The following RIMS1 variants were observed in gnomAD, a reference collection of about 807,000 sequenced individuals.
RIMS1 encodes regulating synaptic membrane exocytosis protein 1.
A neutral mutation model predicts 214.1 loss-of-function variants in RIMS1; 83 were observed. That is an observed-to-expected ratio of 0.39 (90% CI 0.32 to 0.47). The LOEUF is 0.47. Ranked by LOEUF, RIMS1 falls within the 20% of genes least tolerant of loss-of-function variation. The pLI, the probability that RIMS1 is intolerant of heterozygous loss-of-function variation, is 0.99. For missense variants in RIMS1, 2,050 were observed against 2,161.8 expected, an observed-to-expected ratio of 0.95 and a Z score of 1.03; for synonymous variants, 793 against 786.8, an observed-to-expected ratio of 1.01 and a Z score of -0.13.
intron 27 of RIMS1, among the ~76,000 whole-genome samples, chr6:72,310,627 C>T (rs1003876212): frequency 2.0e-5 from 3 of 152,044 alleles, no homozygotes; most frequent in Admixed American, 1.3e-4. Context: ...AATTATTTCT[C>T]TCACATCAAT....
rs188664565 is a variant in RIMS1 at position 72,305,604 on chromosome 6, A to G, written c.3851-1654A>G. On this transcript the variant is annotated intron_variant, in intron 26 of 33. Coordinates refer to ENST00000521978, the MANE Select transcript of RIMS1 (RefSeq NM_014989.7). ...TATATTGCATATGTCTTTTGTAAAT[A>G]TAACTCACATTTTTCAATAACTGTC... 6.6e-5 allele frequency among the ~76,000 whole-genome samples: 10 copies of G among 152,264 alleles called. 1 individual carries two copies. The highest frequency in any genetic ancestry group is 5.2e-4 in the Admixed American group (8 of 15,274).
chr6:72,386,881 C>T (rs912350867), intron 29 of RIMS1, among the ~76,000 whole-genome samples: 5 of 151,618 alleles, frequency 3.3e-5, no homozygotes, highest in Non-Finnish European at 7.4e-5. Context: ...CTACAGGCGC[C>T]CGCCACCACA....
At chr6:72,348,733 T>C (rs1427371607) in intron 29 of RIMS1, among the ~76,000 whole-genome samples, 1 of 151,866 alleles carries the variant, frequency 6.6e-6, no homozygotes, top group African/African-American at 2.4e-5. Flanking sequence ...CTCCCTTTAC[T>C]GCCCTCTCCC....
intron 2 of RIMS1, among the ~76,000 whole-genome samples, chr6:72,061,181 C>G (rs375707093): frequency 6.6e-6 from 1 of 151,842 alleles, no homozygotes; most frequent in African/African-American, 2.4e-5. Context: ...ATAACTCAGA[C>G]CTACTAAAAT....
At chr6:72,371,472 TTTAA>T (rs2098218464) in intron 29 of RIMS1, among the ~76,000 whole-genome samples, 2 of 152,214 alleles carry the variant, frequency 1.3e-5, no homozygotes, top group African/African-American at 2.4e-5. Flanking sequence ...AAGAGACAAC[TTTAA>T]TTAAGACTTG....
intron 26 of RIMS1, among the ~76,000 whole-genome samples, chr6:72,292,329 A>G (rs1218574240): frequency 6.6e-6 from 1 of 152,174 alleles, no homozygotes; most frequent in Non-Finnish European, 1.5e-5. Context: ...ACAAAGGAAA[A>G]AAATAAAATT....
chr6:71,912,136 T>A (rs1477964601), intron 1 of RIMS1, among the ~76,000 whole-genome samples: 2 of 152,160 alleles, frequency 1.3e-5, no homozygotes, highest in Non-Finnish European at 2.9e-5. Flanking sequence ...AGAAGAAAAC[T>A]GAAGATGAAG....
intron 2 of RIMS1, among the ~76,000 whole-genome samples, chr6:71,984,817 C>A (rs896406079): frequency 7.9e-6 from 1 of 127,220 alleles, no homozygotes; most frequent in Non-Finnish European, 1.7e-5. Flanking sequence ...ATCTATCTAT[C>A]TATTATGTTT....
intron 31 of RIMS1, among the ~76,000 whole-genome samples, chr6:72,393,201 A>G (rs193109892): frequency 2.0e-4 from 31 of 152,272 alleles, no homozygotes; most frequent in African/African-American, 7.0e-4. Context: ...TTAGTATTTT[A>G]GACTCAACTA....
At position 72,402,526 on chromosome 6, in the gene RIMS1, AC is replaced by A. The variant is rs1393187119; in HGVS notation, c.*1814del. ...TTTAATTCATAGACATACTGCCTGCACCAAGTGAATTATTTATTATTATTTA... is the reference window on the plus strand; with the variant it reads ...TTTAATTCATAGACATACTGCCTGCACAAGTGAATTATTTATTATTATTTA... On this transcript the variant is annotated 3_prime_UTR_variant, in exon 34 of 34. Coordinates refer to ENST00000521978, the MANE Select transcript of RIMS1 (RefSeq NM_014989.7). 1 of 152,648 alleles carries A rather than the reference AC, an allele frequency of 6.6e-6. No individual in the cohort carries two copies. The highest frequency in any genetic ancestry group is 1.5e-5 in the Non-Finnish European group (1 of 68,048). The allele number at this position is 152,648 out of a possible 1,614,324, so 9.5% of individuals were successfully genotyped here.
chr6:71,915,724 T>C (rs146454213), intron 1 of RIMS1, among the ~76,000 whole-genome samples: 1 of 152,248 alleles, frequency 6.6e-6, no homozygotes, highest in East Asian at 1.9e-4. Context: ...GACAGACACA[T>C]AGTGAGTACT....
intron 28 of RIMS1, among the ~76,000 whole-genome samples, chr6:72,319,750 T>C (rs2096044847): frequency 6.6e-6 from 1 of 152,020 alleles, no homozygotes; most frequent in Non-Finnish European, 1.5e-5. Context: ...CCGTACACTA[T>C]CTAGTATAAA....
At chr6:72,331,317 A>G (rs2096651477) in intron 28 of RIMS1, among the ~76,000 whole-genome samples, 1 of 151,820 alleles carries the variant, frequency 6.6e-6, no homozygotes, top group Admixed American at 6.6e-5. Context: ...AAAAAAGGGT[A>G]CATGTTAATT....
rs759328999 is a variant in RIMS1 at position 72,259,130 on chromosome 6, A to T, written c.3053+19A>T. The T allele has an allele frequency of 3.1e-6, 5 of 1,605,730 alleles. No individual in the cohort carries two copies. The South Asian group carries it at 3.3e-5, about 11-fold the overall frequency. On this transcript the variant is annotated intron_variant, in intron 18 of 33. Transcript: ENST00000521978. ...AAGACAGGTATTTGTCAAAATTATGATCTCAACGTTATGAATTTTTTGTTC... is the reference window on the plus strand; with the variant it reads ...AAGACAGGTATTTGTCAAAATTATGTTCTCAACGTTATGAATTTTTTGTTC...
At chr6:72,314,519 G>A (rs12206967) in intron 28 of RIMS1, among the ~76,000 whole-genome samples, 13,472 of 152,132 alleles carry the variant, frequency 0.089, 740 homozygotes, top group East Asian at 0.14. Context: ...CAAATTAAAA[G>A]TAATCATCCT....
In RIMS1 at chr6:71,966,009, TAC is replaced by T. The variant is rs1484250696; in HGVS notation, c.165-2970_165-2969del. On this transcript the variant is annotated intron_variant, in intron 1 of 33. Transcript: ENST00000521978. ...AGGAGATAGTGGAAATTGCTGAGGTTACACAGTTTCCATATGTTAAAACGGTC... is the reference window on the plus strand; with the variant it reads ...AGGAGATAGTGGAAATTGCTGAGGTTACAGTTTCCATATGTTAAAACGGTC... Among the ~76,000 whole-genome samples the T allele has an allele frequency of 3.3e-5, 5 of 152,334 alleles. No individual in the cohort carries two copies. The South Asian group carries it at 8.3e-4, about 25-fold the overall frequency.
intron 4 of RIMS1, among the ~76,000 whole-genome samples, chr6:72,163,799 T>TG (rs1232814186): frequency 0.044 from 68 of 1,532 alleles, 1 homozygote; most frequent in Admixed American, 0.065. Flanking sequence ...CCCTACTGGC[T>TG]GGGGGGGGGG....
At chr6:72,304,367 C>G in intron 26 of RIMS1, among the ~76,000 whole-genome samples, 1 of 151,534 alleles carries the variant, frequency 6.6e-6, no homozygotes, top group South Asian at 2.1e-4. Flanking sequence ...TTTGAGCTGT[C>G]TGAGTTACAG....
intron 2 of RIMS1, among the ~76,000 whole-genome samples, chr6:72,053,202 T>C (rs558884579): frequency 6.6e-6 from 1 of 152,326 alleles, no homozygotes; most frequent in East Asian, 1.9e-4. Flanking sequence ...CCAGACTCTT[T>C]GAACTGTGTT....
Sources: allele counts gnomAD v4.1 joint callset (sites outside exome capture counted in the v4.1 genomes callset), GRCh38; gene constraint gnomAD v4.1.1; transcripts MANE v1.5; gene names NCBI Gene and HGNC (gene_info 2026-07-23, HGNC 2026-07-21).